Variants in SLC13A3 observed in about 807,000 individuals in gnomAD.
SLC13A3 encodes Na(+)/dicarboxylate cotransporter 3.
In SLC13A3, 40 loss-of-function variants were observed where a neutral mutation model predicts 59.0. That is an observed-to-expected ratio of 0.68 (90% CI 0.53 to 0.88). The LOEUF (loss-of-function observed/expected upper bound fraction) is 0.88. Ranked by LOEUF, SLC13A3 falls within the 40% of genes least tolerant of loss-of-function variation. The probability of loss-of-function intolerance (pLI) is 0.00; values close to 1 mark genes in which losing one functional copy is unlikely to be tolerated. For missense variants in SLC13A3, 699 were observed against 783.2 expected (o/e 0.89, Z 1.28); for synonymous variants, 317 against 330.3 (o/e 0.96, Z 0.44).
intron 10 of SLC13A3, among the ~76,000 whole-genome samples, chr20:46,571,576 C>T (rs754814207): frequency 1.4e-4 from 22 of 152,248 alleles, no homozygotes; most frequent in Middle Eastern, 3.4e-3. Context: ...AGCACCATTA[C>T]GCACCCGGTG....
At chr20:46,622,639 T>C (rs1038474886) in intron 1 of SLC13A3, among the ~76,000 whole-genome samples, 5 of 149,940 alleles carry the variant, frequency 3.3e-5, no homozygotes, top group Non-Finnish European at 7.4e-5. Context: ...TGTGTGTGTG[T>C]GTGTGTGTGT....
chr20:46,559,318 A>C lies in SLC13A3; in HGVS notation c.*704T>G, dbSNP rs2061911131. 6.6e-6 allele frequency: 1 copy of C among 152,296 alleles called. No individual in the cohort carries two copies. Among genetic ancestry groups the C allele is most frequent in the Non-Finnish European group, 1.5e-5 (1 of 68,086 alleles). 9.4% of individuals were successfully genotyped at this position (152,296 alleles called of 1,614,324 possible). ...GACCCAGATGAAACAGGAGAATCCT[A>C]AATCTCTTGGGTCGAGATGTCAGCT... On this transcript the variant is annotated 3_prime_UTR_variant, in exon 13 of 13. Transcript: ENST00000279027.
At position 46,583,578 on chromosome 20, in the gene SLC13A3, A is replaced by C. The variant is rs751373674; in HGVS notation, c.1213T>G (p.Phe405Val). 2 of 1,613,656 alleles carry C rather than the reference A, an allele frequency of 1.2e-6. No homozygotes were observed. Among genetic ancestry groups the C allele is most frequent in the Non-Finnish European group, 1.7e-6 (2 of 1,179,924 alleles). ...QRPSLKWWFDFKAPNTETEPL... is the reference protein window; with the variant it reads ...QRPSLKWWFDVKAPNTETEPL... Reference sequence around the variant, plus strand: ...CCAGCCTTGACCACCTTACCTTTGAAGTCAAACCACCACTTGAGAGAGGGC... The same window carrying C: ...CCAGCCTTGACCACCTTACCTTTGACGTCAAACCACCACTTGAGAGAGGGC... The change falls in exon 9 of 13, where the codon TTC becomes GTC. Residue 405 changes from phenylalanine to valine, a missense_variant. Transcript: ENST00000279027.
At chr20:46,585,778 T>A in intron 8 of SLC13A3, 1 of 1,280,984 alleles carries the variant, frequency 7.8e-7, no homozygotes, top group African/African-American at 1.6e-5. Flanking sequence ...TTTAGAAAAA[T>A]AAAAAAATGG....
At chr20:46,579,467 T>C (rs186062340) in intron 9 of SLC13A3, among the ~76,000 whole-genome samples, 90 of 152,288 alleles carry the variant, frequency 5.9e-4, no homozygotes, top group Non-Finnish European at 1.1e-3. Context: ...ACAAGTCACT[T>C]TCTCTCTATG....
chr20:46,618,768 GC>G (rs1374037125), intron 1 of SLC13A3, among the ~76,000 whole-genome samples: 3 of 152,144 alleles, frequency 2.0e-5, no homozygotes, highest in African/African-American at 7.2e-5. Context: ...TGTTATAGTA[GC>G]CCAAATGGAC....
chr20:46,659,510 T>C (rs2063014087), intron 1 of SLC13A3, among the ~76,000 whole-genome samples: 1 of 151,780 alleles, frequency 6.6e-6, no homozygotes, highest in Admixed American at 6.6e-5. Context: ...AGTTCAGGAG[T>C]TTGAGACCAG....
At chr20:46,612,506 T>G (rs1005405589) in intron 2 of SLC13A3, among the ~76,000 whole-genome samples, 3 of 152,078 alleles carry the variant, frequency 2.0e-5, no homozygotes, top group Admixed American at 1.3e-4. Context: ...CACTCAAAAC[T>G]GCTCAACATT....
rs2062160730 is a variant in SLC13A3, at chr20:46,583,572, C to T, written c.1219G>A (p.Ala407Thr). ...GAGACCCCAGCCTTGACCACCTTACCTTTGAAGTCAAACCACCACTTGAGA... is the reference window on the plus strand; with the variant it reads ...GAGACCCCAGCCTTGACCACCTTACTTTTGAAGTCAAACCACCACTTGAGA... ...PSLKWWFDFK[A>T]PNTETEPLLT... is the part of the protein sequence containing the mutation. The change falls in exon 9 of 13, where the codon GCT becomes ACT. Residue 407 changes from alanine to threonine, a missense_variant and splice_region_variant. By Grantham distance (58) the Ala-to-Thr change is moderately conservative. Transcript: ENST00000279027. 2 of 1,613,818 alleles carry T rather than the reference C, an allele frequency of 1.2e-6. No homozygotes were observed. The highest frequency in any genetic ancestry group is 8.5e-7 in the Non-Finnish European group (1 of 1,179,954).
At chr20:46,612,079 TTC>T (rs2062501565) in intron 2 of SLC13A3, among the ~76,000 whole-genome samples, 6 of 151,702 alleles carry the variant, frequency 4.0e-5, no homozygotes, top group Non-Finnish European at 8.8e-5. Flanking sequence ...TTTTTTTTCT[TTC>T]TGTCTTTTCT....
Position 46,560,028 on chromosome 20 carries a change from G to A in SLC13A3, c.1803C>T (p.Thr601=). 6.2e-7 allele frequency: 1 copy of A among 1,613,932 alleles called. No homozygotes were observed. The highest frequency in any genetic ancestry group is 8.5e-7 in the Non-Finnish European group (1 of 1,179,980). ...GGGAGTCCTCCAGGGGGACTCAGAG[G>A]GTCCGAAATGTGTCATTGGCCAAGG... ...PPTLANDTFR[T]L The change falls in exon 13 of 13, where the codon ACC becomes ACT. Residue 601 remains threonine (T), a synonymous_variant. Coordinates refer to ENST00000279027, the MANE Select transcript of SLC13A3 (RefSeq NM_022829.6).
intron 12 of SLC13A3, among the ~76,000 whole-genome samples, chr20:46,563,182 T>C (rs1459734465): frequency 6.6e-6 from 1 of 152,160 alleles, no homozygotes; most frequent in Non-Finnish European, 1.5e-5. Flanking sequence ...GTTCCTTGCC[T>C]CTGGAGCAAA....
At chr20:46,655,893 T>C (rs146219680), upstream of SLC13A3, among the ~76,000 whole-genome samples, 2,075 of 139,084 alleles carry the variant, frequency 0.015, 20 homozygotes, top group Non-Finnish European at 0.023. Flanking sequence ...CTGTATATAA[T>C]ATATATACTG....
In SLC13A3 at chr20:46,615,152, A is replaced by T. The variant is rs2122757852; in HGVS notation, c.112-1427T>A. On this transcript the variant is annotated intron_variant, in intron 1 of 12. Transcript: ENST00000279027. ...ATTTGCATGATCACTGTTGGAATGA[A>T]ACTATTCCTGCCCTGCCCTTGCTTT... Among the ~76,000 whole-genome samples the T allele has an allele frequency of 2.0e-5, 3 of 152,336 alleles. No individual in the cohort carries two copies. The South Asian group carries it at 6.2e-4, about 32-fold the overall frequency.
intron 4 of SLC13A3, among the ~76,000 whole-genome samples, chr20:46,598,600 C>T (rs1030794326): frequency 1.3e-5 from 2 of 152,200 alleles, no homozygotes; most frequent in Admixed American, 6.5e-5. Context: ...CTGAACCAAT[C>T]ACAGAACTCA....
chr20:46,620,443 A>T (rs989171634), intron 1 of SLC13A3, among the ~76,000 whole-genome samples: 10 of 152,258 alleles, frequency 6.6e-5, no homozygotes, highest in African/African-American at 2.4e-4. Context: ...GTTCGAAAAC[A>T]GCCCCTATCA....
At chr20:46,641,489 T>C (rs1466975742) in intron 1 of SLC13A3, among the ~76,000 whole-genome samples, 1 of 152,098 alleles carries the variant, frequency 6.6e-6, no homozygotes, top group African/African-American at 2.4e-5. Flanking sequence ...ATTTGTGGGA[T>C]GAAGAGGGCA....
chr20:46,598,090 C>T (rs1245750280), intron 4 of SLC13A3, among the ~76,000 whole-genome samples: 1 of 151,970 alleles, frequency 6.6e-6, no homozygotes, highest in African/African-American at 2.4e-5. Context: ...TGTAACAAAT[C>T]AATTTTTTTA....
intron 8 of SLC13A3, among the ~76,000 whole-genome samples, chr20:46,586,757 T>C (rs755405465): frequency 3.7e-4 from 57 of 152,328 alleles, no homozygotes; most frequent in Admixed American, 5.2e-4. Flanking sequence ...GACTGCTACA[T>C]TGCCATTGCT....
Sources: allele counts gnomAD v4.1 joint callset (sites outside exome capture counted in the v4.1 genomes callset), GRCh38; gene constraint gnomAD v4.1.1; transcripts MANE v1.5; gene names NCBI Gene and HGNC (gene_info 2026-07-23, HGNC 2026-07-21).